RAB28: variants seen among roughly 807,000 people sequenced by gnomAD.
RAB28 encodes the protein ras-related protein Rab-28.
In RAB28, 24 loss-of-function variants were observed where a neutral mutation model predicts 31.7. The observed-to-expected ratio is 0.76, with a 90% CI of 0.55 to 1.06. The LOEUF is 1.06. Ranked by LOEUF, RAB28 falls within the 50% of genes least tolerant of loss-of-function variation. The pLI is 0.00. For missense variants in RAB28, 254 were observed against 258.5 expected (o/e 0.98, Z 0.12); for synonymous variants, 100 against 90.4 (o/e 1.11, Z -0.60).
intron 3 of RAB28, among the ~76,000 whole-genome samples, chr4:13,462,794 C>A (rs1315286093): frequency 6.6e-6 from 1 of 152,142 alleles, no homozygotes; most frequent in African/African-American, 2.4e-5. Flanking sequence ...TGAAATAATG[C>A]CCAACACAGA....
At chr4:13,426,730 C>A (rs889986909) in intron 4 of RAB28, among the ~76,000 whole-genome samples, 6 of 152,080 alleles carry the variant, frequency 3.9e-5, no homozygotes, top group African/African-American at 1.4e-4. Flanking sequence ...AATATATTAC[C>A]TTATTATACT....
chr4:13,411,134 A>AT (rs1470235243), intron 4 of RAB28, among the ~76,000 whole-genome samples: 1 of 152,142 alleles, frequency 6.6e-6, no homozygotes, highest in Admixed American at 6.5e-5. Context: ...CTACTATCAG[A>AT]TTTTTTTCAT....
chr4:13,368,631 A>G lies in RAB28; in HGVS notation c.593T>C (p.Ile198Thr), dbSNP rs1577142460. 3.1e-6 allele frequency: 5 copies of G among 1,612,078 alleles called. No individual in the cohort carries two copies. Among genetic ancestry groups the G allele is most frequent in the Non-Finnish European group, 4.2e-6 (5 of 1,178,800 alleles). ...EQSQRVVKAD[I>T]VNYNQEPMSR... The stretch of plus-strand genomic sequence containing the variant: ...CATAGGTTCCTGGTTGTAGTTTACA[A>G]TATCTGCCTTCACCACCCTCTGTCA... Residue 198 changes from isoleucine (I) to threonine (T), a missense_variant, in exon 7 of 7, where the codon ATT becomes ACT. Physicochemically the swap from Ile to Thr is moderately conservative, Grantham distance 89. Transcript: ENST00000330852.
At chr4:13,409,551 G>A (rs2108908025) in intron 4 of RAB28, among the ~76,000 whole-genome samples, 1 of 152,296 alleles carries the variant, frequency 6.6e-6, no homozygotes, top group East Asian at 1.9e-4. Flanking sequence ...GCTGATGGGA[G>A]AGATCTGGCA....
At chr4:13,455,324 T>G (rs1454214082) in intron 4 of RAB28, among the ~76,000 whole-genome samples, 1 of 152,210 alleles carries the variant, frequency 6.6e-6, no homozygotes, top group Non-Finnish European at 1.5e-5. Context: ...GCAGTTTGGC[T>G]GGCTCAAGGG....
chr4:13,459,760 ATGC>A (rs1715491183), intron 4 of RAB28: 12 of 1,104,166 alleles, frequency 1.1e-5, no homozygotes, highest in Non-Finnish European at 1.3e-5. Context: ...GCAAGAAACA[ATGC>A]ATATAAAATT....
chr4:13,471,185 T>C (rs369204711), intron 3 of RAB28, among the ~76,000 whole-genome samples: 30 of 152,190 alleles, frequency 2.0e-4, no homozygotes, highest in African/African-American at 6.7e-4. Context: ...AAATCCAAAG[T>C]ATTCATGAGA....
chr4:13,397,130 A>G (rs911462297), intron 4 of RAB28, among the ~76,000 whole-genome samples: 11 of 152,156 alleles, frequency 7.2e-5, no homozygotes, highest in Non-Finnish European at 7.4e-5. Context: ...TTTTACAGGA[A>G]TACTACACAG....
intron 4 of RAB28, among the ~76,000 whole-genome samples, chr4:13,430,165 T>TA (rs55712919): frequency 6.6e-6 from 1 of 152,046 alleles, no homozygotes; most frequent in South Asian, 2.1e-4. Flanking sequence ...CACATCATAT[T>TA]AAAAAAAATT....
At chr4:13,431,638 C>G (rs1004381541) in intron 4 of RAB28, among the ~76,000 whole-genome samples, 1 of 152,046 alleles carries the variant, frequency 6.6e-6, no homozygotes, top group Admixed American at 6.5e-5. Flanking sequence ...CTACAACAAG[C>G]AGCATCTGAG....
chr4:13,424,924 C>T (rs1354240997), intron 4 of RAB28, among the ~76,000 whole-genome samples: 1 of 152,162 alleles, frequency 6.6e-6, no homozygotes, highest in Non-Finnish European at 1.5e-5. Flanking sequence ...AATTTAAAAA[C>T]TCTTGACCCC....
intron 3 of RAB28, among the ~76,000 whole-genome samples, chr4:13,468,848 G>A (rs1430347724): frequency 6.7e-6 from 1 of 150,328 alleles, no homozygotes. Flanking sequence ...ACAAAGGGAG[G>A]GAGAGAGAAG....
intron 5 of RAB28, among the ~76,000 whole-genome samples, chr4:13,376,979 T>C (rs1394858017): frequency 6.6e-6 from 1 of 152,146 alleles, no homozygotes; most frequent in Non-Finnish European, 1.5e-5. Flanking sequence ...AAATAATCTA[T>C]ACTTTACCAA....
chr4:13,385,764 A>T (rs1015800077), intron 4 of RAB28, among the ~76,000 whole-genome samples: 3 of 152,144 alleles, frequency 2.0e-5, no homozygotes, highest in African/African-American at 7.2e-5. Flanking sequence ...TAAAGCAACC[A>T]CACAAAAAAG....
intron 4 of RAB28, among the ~76,000 whole-genome samples, chr4:13,444,152 C>T (rs1300754588): frequency 6.6e-6 from 1 of 151,832 alleles, no homozygotes; most frequent in Admixed American, 6.6e-5. Flanking sequence ...CTCAGCCTCC[C>T]GAGTAGCTGG....
intron 6 of RAB28, among the ~76,000 whole-genome samples, chr4:13,373,959 ATG>A (rs1553864951): frequency 1.5e-4 from 23 of 151,186 alleles, no homozygotes; most frequent in African/African-American, 2.2e-4. Flanking sequence ...GTATGTATGT[ATG>A]TGTGTGTGTG....
chr4:13,432,464 G>A (rs192524039), intron 4 of RAB28, among the ~76,000 whole-genome samples: 103 of 152,172 alleles, frequency 6.8e-4, no homozygotes, highest in Admixed American at 1.6e-3. Context: ...TCTACAAGAT[G>A]ACCATCCCCA....
intron 4 of RAB28, among the ~76,000 whole-genome samples, chr4:13,411,328 C>G (rs1379299875): frequency 2.0e-5 from 3 of 152,072 alleles, no homozygotes; most frequent in Non-Finnish European, 4.4e-5. Flanking sequence ...CTGATGTACT[C>G]AGGCAAAACA....
At chr4:13,429,347 T>C in intron 4 of RAB28, among the ~76,000 whole-genome samples, 1 of 152,140 alleles carries the variant, frequency 6.6e-6, no homozygotes, top group Non-Finnish European at 1.5e-5. Context: ...ATTTTCTCTA[T>C]TTGCAGATGA....
Sources: allele counts gnomAD v4.1 joint callset (sites outside exome capture counted in the v4.1 genomes callset), GRCh38; gene constraint gnomAD v4.1.1; transcripts MANE v1.5; gene names NCBI Gene and HGNC (gene_info 2026-07-23, HGNC 2026-07-21).